PCBP3: variants seen among roughly 807,000 people sequenced by gnomAD.
PCBP3 encodes poly(rC) binding protein 3, also known as poly(rC)-binding protein 3.
A neutral mutation model predicts 52.7 loss-of-function variants in PCBP3; 25 were observed. The ratio of observed to expected loss-of-function variants is 0.47; its 90% confidence interval spans 0.35 to 0.66. The LOEUF (loss-of-function observed/expected upper bound fraction) is 0.66, where lower values mean the gene tolerates loss of function less well. Ranked by LOEUF, PCBP3 falls within the 30% of genes least tolerant of loss-of-function variation. The pLI is 0.01. For missense variants in PCBP3, 391 were observed against 490.3 expected (o/e 0.80, Z 1.91); for synonymous variants, 162 against 183.0 (o/e 0.89, Z 0.93).
intron 2 of PCBP3, among the ~76,000 whole-genome samples, chr21:45,710,503 G>A (rs554504723): frequency 6.6e-6 from 1 of 152,268 alleles, no homozygotes; most frequent in Admixed American, 6.5e-5. Context: ...TTTTATGGCT[G>A]CATAGTATTC....
At chr21:45,690,056 A>G (rs564807913) in intron 2 of PCBP3, among the ~76,000 whole-genome samples, 1 of 152,310 alleles carries the variant, frequency 6.6e-6, no homozygotes, top group South Asian at 2.1e-4. Context: ...AGCCACAACT[A>G]TTTGGAAAAG....
chr21:45,776,641 T>C (rs937694814), intron 4 of PCBP3, among the ~76,000 whole-genome samples: 11 of 152,192 alleles, frequency 7.2e-5, no homozygotes, highest in Non-Finnish European at 1.6e-4. Context: ...CTTTTACCTT[T>C]CTTGACTTAA....
chr21:45,655,292 A>G (rs1006346470), intron 1 of PCBP3, among the ~76,000 whole-genome samples: 2 of 151,816 alleles, frequency 1.3e-5, no homozygotes, highest in Non-Finnish European at 2.9e-5. Flanking sequence ...TTTCCCGAAG[A>G]TGCTGCAACA....
rs1005920068 is a variant in PCBP3 at position 45,880,625 on chromosome 21, G to C, written c.11-15583G>C. ...TGGGCCAAGAGTGGTGCTGGGAACTGGGGATTCAGTGGTGAACGGAGGAGA... is the reference window on the plus strand; with the variant it reads ...TGGGCCAAGAGTGGTGCTGGGAACTCGGGATTCAGTGGTGAACGGAGGAGA... On this transcript the variant is annotated intron_variant, in intron 5 of 17. Coordinates refer to ENST00000681687, the MANE Select transcript of PCBP3 (RefSeq NM_001384156.1). This position sits in a 1 kb window ranked among gnomAD's most constrained non-coding sequence, Gnocchi z 5.4. Among the ~76,000 whole-genome samples the C allele has an allele frequency of 2.6e-5, 4 of 152,268 alleles. No individual in the cohort carries two copies. The East Asian group carries it at 7.7e-4, about 29-fold the overall frequency.
At chr21:45,746,235 C>T (rs2086859391) in intron 3 of PCBP3, among the ~76,000 whole-genome samples, 1 of 89,276 alleles carries the variant, frequency 1.1e-5, no homozygotes, top group Admixed American at 1.1e-4. Flanking sequence ...TTGTCAGCAT[C>T]GCCGTGTCAG....
intron 5 of PCBP3, among the ~76,000 whole-genome samples, chr21:45,885,469 G>A (rs1411169131): frequency 6.6e-6 from 1 of 152,118 alleles, no homozygotes; most frequent in Non-Finnish European, 1.5e-5. Flanking sequence ...ATTTTTTCAA[G>A]AGCCTTTATC....
intron 1 of PCBP3, among the ~76,000 whole-genome samples, chr21:45,659,435 A>G (rs2080240583): frequency 7.2e-6 from 1 of 139,724 alleles, no homozygotes. Context: ...CTCAACTTTG[A>G]GTCTCCTGAG....
At chr21:45,876,637 T>C (rs2095263794) in intron 5 of PCBP3, among the ~76,000 whole-genome samples, 1 of 152,176 alleles carries the variant, frequency 6.6e-6, no homozygotes, top group African/African-American at 2.4e-5. Flanking sequence ...GGACATGAAG[T>C]GCATGTGAGG....
chr21:45,879,661 A>G (rs1351053918), intron 5 of PCBP3, among the ~76,000 whole-genome samples: 5 of 152,124 alleles, frequency 3.3e-5, no homozygotes, highest in African/African-American at 4.8e-5. Context: ...ATAACCAGAG[A>G]TAACTGGAAA....
At chr21:45,729,704 T>A (rs1757133367) in intron 2 of PCBP3, among the ~76,000 whole-genome samples, 1 of 152,226 alleles carries the variant, frequency 6.6e-6, no homozygotes, top group African/African-American at 2.4e-5. Flanking sequence ...TCTACCTTTT[T>A]TCTTGGTCAG....
At chr21:45,825,013 T>G (rs1285355020) in intron 4 of PCBP3, among the ~76,000 whole-genome samples, 1 of 152,240 alleles carries the variant, frequency 6.6e-6, no homozygotes, top group Non-Finnish European at 1.5e-5. Flanking sequence ...CTGCAAGCCC[T>G]GCACCCTGCA....
chr21:45,866,281 G>A (rs2094720765), intron 5 of PCBP3, among the ~76,000 whole-genome samples: 1 of 152,204 alleles, frequency 6.6e-6, no homozygotes, highest in Non-Finnish European at 1.5e-5. Context: ...GTGCTGTTCA[G>A]TGAGCCATCA....
At chr21:45,758,437 G>C (rs546534004) in intron 4 of PCBP3, among the ~76,000 whole-genome samples, 2 of 152,288 alleles carry the variant, frequency 1.3e-5, no homozygotes, top group African/African-American at 4.8e-5. Context: ...TTTCAGTCAG[G>C]AACATGAGAT....
chr21:45,657,198 T>G lies in PCBP3; in HGVS notation c.-278-11676T>G, dbSNP rs1185378081. Among the ~76,000 whole-genome samples the G allele has an allele frequency of 4.6e-5, 7 of 152,356 alleles. No individual in the cohort carries two copies. The South Asian group carries it at 1.4e-3, about 32-fold the overall frequency. On this transcript the variant is annotated intron_variant, in intron 1 of 17. Transcript: ENST00000681687. ...ACTGCATTTATCTATTTTTTTCTTT[T>G]GTTGCTTGTGCTTTGTCATATTTAA...
intron 13 of PCBP3, chr21:45,918,089 A>T: frequency 4.4e-6 from 1 of 228,940 alleles, no homozygotes; most frequent in Non-Finnish European, 8.7e-6. Flanking sequence ...GTCCACATGA[A>T]AACATAGGGT....
intron 5 of PCBP3, among the ~76,000 whole-genome samples, chr21:45,875,888 C>T (rs1324246218): frequency 6.6e-6 from 1 of 152,192 alleles, no homozygotes; most frequent in Non-Finnish European, 1.5e-5. Context: ...CTGTCTGGAT[C>T]CCCCACTGCT....
chr21:45,929,360 C>T (rs1356249491), intron 13 of PCBP3, among the ~76,000 whole-genome samples: 1 of 152,202 alleles, frequency 6.6e-6, no homozygotes, highest in Non-Finnish European at 1.5e-5. Flanking sequence ...AGATGTGTGG[C>T]CCCTCAGGTG....
intron 4 of PCBP3, among the ~76,000 whole-genome samples, chr21:45,810,949 G>A (rs765177484): frequency 9.9e-5 from 15 of 152,130 alleles, no homozygotes; most frequent in Non-Finnish European, 1.8e-4. Flanking sequence ...TGTGAAGTTG[G>A]TCATCATAAT....
intron 2 of PCBP3, among the ~76,000 whole-genome samples, chr21:45,676,051 T>C (rs2081439233): frequency 6.6e-6 from 1 of 152,220 alleles, no homozygotes; most frequent in Admixed American, 6.5e-5. Context: ...CTACAATGAT[T>C]GTTTGAGGAA....
Sources: gnomAD v4.1 joint callset for allele counts (sites outside exome capture counted in the v4.1 genomes callset) on GRCh38, gnomAD v4.1.1 for gene constraint, Gnocchi (gnomAD v3.1) non-coding constraint, MANE v1.5 for transcripts, NCBI Gene and HGNC (gene_info 2026-07-23, HGNC 2026-07-21) for gene names.